The following NCKAP5 variants were observed in gnomAD, a reference collection of about 807,000 sequenced individuals.
NCKAP5 encodes the protein nck-associated protein 5.
NCKAP5 carries 92 observed loss-of-function variants against 167.0 expected under a neutral mutation model. That is an observed-to-expected ratio of 0.55 (90% CI 0.47 to 0.66). The LOEUF (loss-of-function observed/expected upper bound fraction) is 0.66. NCKAP5 is among the 30% of genes least tolerant of loss of function. The probability of loss-of-function intolerance (pLI) is 0.00; values close to 1 mark genes in which losing one functional copy is unlikely to be tolerated. For missense variants in NCKAP5, 2,378 were observed against 2,315.0 expected, an observed-to-expected ratio of 1.03 and a Z score of -0.56; for synonymous variants, 891 against 877.4, an observed-to-expected ratio of 1.02 and a Z score of -0.27.
At chr2:133,040,112 C>T (rs1416240511) in intron 6 of NCKAP5, among the ~76,000 whole-genome samples, 3 of 151,958 alleles carry the variant, frequency 2.0e-5, no homozygotes, top group Non-Finnish European at 2.9e-5. Flanking sequence ...TTCAGAAGCA[C>T]ATCTAGCATG....
At chr2:133,250,951 A>G (rs1359682135) in intron 4 of NCKAP5, among the ~76,000 whole-genome samples, 5 of 152,106 alleles carry the variant, frequency 3.3e-5, no homozygotes, top group Non-Finnish European at 7.4e-5. Flanking sequence ...CAAACAAACA[A>G]ACAAAAACAA....
intron 7 of NCKAP5, among the ~76,000 whole-genome samples, chr2:132,970,817 A>G (rs2076810502): frequency 6.6e-6 from 1 of 152,182 alleles, no homozygotes; most frequent in Admixed American, 6.5e-5. Flanking sequence ...CTCAGATGAC[A>G]GCCCAGGAAG....
intron 3 of NCKAP5, among the ~76,000 whole-genome samples, chr2:133,476,716 C>T (rs968378750): frequency 5.3e-5 from 8 of 152,200 alleles, no homozygotes; most frequent in African/African-American, 1.2e-4. Context: ...CATCTGTCTT[C>T]GGTTCTCCTT....
intron 8 of NCKAP5, among the ~76,000 whole-genome samples, chr2:132,962,402 G>C (rs1866191): frequency 0.27 from 40,626 of 151,780 alleles, 6,196 homozygotes; most frequent in East Asian, 0.39. Flanking sequence ...AATCTAGAAA[G>C]TAGTCGAACA....
chr2:132,878,613 T>TACACACACACAC, intron 9 of NCKAP5, among the ~76,000 whole-genome samples: 1 of 131,994 alleles, frequency 7.6e-6, no homozygotes, highest in African/African-American at 2.8e-5. Context: ...GGGGGGCAGA[T>TACACACACACAC]ACACACACAC....
chr2:132,679,073 A>G (rs922143278), intron 19 of NCKAP5, among the ~76,000 whole-genome samples: 7 of 152,188 alleles, frequency 4.6e-5, no homozygotes, highest in Admixed American at 3.3e-4. Flanking sequence ...AAATAAAAGA[A>G]AAAGGCTGAC....
intron 11 of NCKAP5, among the ~76,000 whole-genome samples, chr2:132,848,264 G>C (rs1299802499): frequency 6.6e-6 from 1 of 152,158 alleles, no homozygotes; most frequent in African/African-American, 2.4e-5. Flanking sequence ...TTTCCTTTTA[G>C]AAGTGGACAT....
At chr2:133,573,497 G>A in the NCKAP5 span, among the ~76,000 whole-genome samples, 1 of 152,074 alleles carries the variant, frequency 6.6e-6, no homozygotes, top group Admixed American at 6.6e-5. Flanking sequence ...AAACTACCTG[G>A]AACCTGCCAT....
chr2:132,983,202 T>C (rs1227926385), intron 7 of NCKAP5, among the ~76,000 whole-genome samples: 1 of 152,198 alleles, frequency 6.6e-6, no homozygotes, highest in Non-Finnish European at 1.5e-5. Context: ...TCCAGGAGTC[T>C]TTTGGCAGAG....
At chr2:133,260,665 C>T (rs922595586) in intron 4 of NCKAP5, among the ~76,000 whole-genome samples, 5 of 152,126 alleles carry the variant, frequency 3.3e-5, no homozygotes, top group Non-Finnish European at 5.9e-5. Context: ...TGAATTTGGA[C>T]GCCTGTCCCT....
intron 2 of NCKAP5, among the ~76,000 whole-genome samples, chr2:133,535,075 G>A (rs906365021): frequency 4.6e-5 from 7 of 152,150 alleles, no homozygotes; most frequent in East Asian, 1.9e-4. Flanking sequence ...CCCATTTCCC[G>A]AATGACTAAT....
chr2:133,656,297 G>C, the NCKAP5 span, among the ~76,000 whole-genome samples: 2 of 151,896 alleles, frequency 1.3e-5, no homozygotes, highest in African/African-American at 4.8e-5. Context: ...ACCATCTTTT[G>C]AGGAGAAAAT....
chr2:133,238,197 C>T (rs2087512549), intron 4 of NCKAP5, among the ~76,000 whole-genome samples: 1 of 152,184 alleles, frequency 6.6e-6, no homozygotes, highest in Admixed American at 6.5e-5. Context: ...TTTCTTACCT[C>T]CCCCTCTACT....
chr2:133,459,439 G>T (rs745933781), intron 3 of NCKAP5, among the ~76,000 whole-genome samples: 1 of 152,066 alleles, frequency 6.6e-6, no homozygotes, highest in African/African-American at 2.4e-5. Context: ...TTCCTCTGGG[G>T]CCTATCAGAG....
chr2:133,098,376 C>T (rs1369208209), intron 6 of NCKAP5, among the ~76,000 whole-genome samples: 1 of 152,182 alleles, frequency 6.6e-6, no homozygotes, highest in African/African-American at 2.4e-5. Context: ...TTGGATATTA[C>T]ATCCATATTA....
chr2:133,289,769 A>AG (rs1296021429), intron 4 of NCKAP5, among the ~76,000 whole-genome samples: 1 of 152,220 alleles, frequency 6.6e-6, no homozygotes, highest in Non-Finnish European at 1.5e-5. Flanking sequence ...TGATTTATAC[A>AG]GAAAAAAACA....
chr2:133,406,934 C>T (rs1283843314), intron 3 of NCKAP5, among the ~76,000 whole-genome samples: 1 of 148,614 alleles, frequency 6.7e-6, no homozygotes, highest in Non-Finnish European at 1.5e-5. Flanking sequence ...TGGGGACAGC[C>T]TTCACTGGTT....
At chr2:133,053,367 C>A (rs1336805836) in intron 6 of NCKAP5, among the ~76,000 whole-genome samples, 1 of 152,178 alleles carries the variant, frequency 6.6e-6, no homozygotes, top group African/African-American at 2.4e-5. Context: ...TCAAGAAAAT[C>A]AAAGTCTTTG....
chr2:133,386,657 C>T (rs934191178), intron 3 of NCKAP5, among the ~76,000 whole-genome samples: 7 of 152,180 alleles, frequency 4.6e-5, no homozygotes, highest in Non-Finnish European at 1.0e-4. Flanking sequence ...GTGTTAAAGT[C>T]TCCCATTATT....
Sources: allele counts gnomAD v4.1 joint callset (sites outside exome capture counted in the v4.1 genomes callset), GRCh38; gene constraint gnomAD v4.1.1; transcripts MANE v1.5; gene names NCBI Gene and HGNC (gene_info 2026-07-23, HGNC 2026-07-21).